Variants in RSRC1 observed in about 807,000 individuals in gnomAD.
The protein encoded by RSRC1 is arginine and serine rich coiled-coil 1, also known as serine/Arginine-related protein 53.
Under a neutral mutation model 49.1 loss-of-function variants are expected in RSRC1, and 39 were observed. The observed-to-expected ratio is 0.79, with a 90% CI of 0.61 to 1.04. The LOEUF is 1.04. Among genes scored for constraint, RSRC1 ranks in the 50% least tolerant of loss-of-function variants. The pLI, the probability that RSRC1 is intolerant of heterozygous loss-of-function variation, is 0.00. For synonymous variants in RSRC1, 143 were observed against 130.8 expected (o/e 1.09, Z -0.63); for missense variants, 388 against 402.4 (o/e 0.96, Z 0.31).
At chr3:158,451,630 G>T (rs1737040559) in intron 6 of RSRC1, among the ~76,000 whole-genome samples, 1 of 151,868 alleles carries the variant, frequency 6.6e-6, no homozygotes, top group Non-Finnish European at 1.5e-5. Context: ...TTCTATCTTT[G>T]TTTATTATCT....
chr3:158,410,568 G>C (rs2362969), intron 6 of RSRC1, among the ~76,000 whole-genome samples: 88,902 of 151,900 alleles, frequency 0.59, 26,525 homozygotes, highest in South Asian at 0.71. Flanking sequence ...GACCGTATCT[G>C]TTTTGTATAC....
At chr3:158,522,511 C>T (rs1576606029) in intron 7 of RSRC1, among the ~76,000 whole-genome samples, 1 of 152,050 alleles carries the variant, frequency 6.6e-6, no homozygotes, top group African/African-American at 2.4e-5. Context: ...GCATTTAGGG[C>T]TTGTCTTGAT....
intron 6 of RSRC1, among the ~76,000 whole-genome samples, chr3:158,444,024 T>C (rs1451213386): frequency 2.0e-5 from 3 of 152,110 alleles, no homozygotes; most frequent in Non-Finnish European, 4.4e-5. Flanking sequence ...GTTTGTGGCA[T>C]CCCAAAACAC....
chr3:158,326,768 C>T (rs1326840213), intron 5 of RSRC1, among the ~76,000 whole-genome samples: 1 of 152,202 alleles, frequency 6.6e-6, no homozygotes, highest in Non-Finnish European at 1.5e-5. Context: ...AGGATTCCCT[C>T]TTTTTCTATT....
intron 5 of RSRC1, among the ~76,000 whole-genome samples, chr3:158,324,528 CA>C (rs1409389422): frequency 6.6e-6 from 1 of 152,082 alleles, no homozygotes; most frequent in East Asian, 1.9e-4. Flanking sequence ...TGATGGTCTC[CA>C]GCTTCATCCA....
At chr3:158,301,991 GTT>G (rs35843326) in intron 5 of RSRC1, among the ~76,000 whole-genome samples, 4,724 of 142,778 alleles carry the variant, frequency 0.033, 244 homozygotes, top group African/African-American at 0.11. Context: ...GGGTTTTTTT[GTT>G]TTTTTTTTTT....
chr3:158,144,788 C>T (rs141984496), intron 3 of RSRC1, among the ~76,000 whole-genome samples: 231 of 152,276 alleles, frequency 1.5e-3, no homozygotes, highest in African/African-American at 5.2e-3. Flanking sequence ...ACATCCTCTC[C>T]GGCACCTGTT....
At chr3:158,231,902 A>G (rs992623745) in intron 4 of RSRC1, among the ~76,000 whole-genome samples, 1 of 152,210 alleles carries the variant, frequency 6.6e-6, no homozygotes, top group African/African-American at 2.4e-5. Context: ...CAAGCACAAT[A>G]TAAAATTCTG....
At chr3:158,362,605 T>A (rs115164965) in intron 6 of RSRC1, among the ~76,000 whole-genome samples, 54 of 152,318 alleles carry the variant, frequency 3.5e-4, no homozygotes, top group Non-Finnish European at 7.1e-4. Flanking sequence ...CCTGACTTTT[T>A]ACACTTAAAC....
intron 3 of RSRC1, among the ~76,000 whole-genome samples, chr3:158,198,318 G>A (rs560499162): frequency 3.3e-5 from 5 of 152,160 alleles, no homozygotes; most frequent in South Asian, 4.2e-4. Flanking sequence ...TGCAACCCCT[G>A]CCTTTTTTTG....
At chr3:158,143,134 A>C (rs944159580) in intron 3 of RSRC1, among the ~76,000 whole-genome samples, 1 of 152,176 alleles carries the variant, frequency 6.6e-6, no homozygotes, top group Admixed American at 6.5e-5. Flanking sequence ...CGTCAGGTAT[A>C]TGCTAGACCA....
rs541886307 is a variant in RSRC1 at position 158,424,463 on chromosome 3, C to G, written c.584-36472C>G. Among the ~76,000 whole-genome samples, 14 of 151,020 alleles carry G rather than the reference C, an allele frequency of 9.3e-5. No homozygotes were observed. In the South Asian group the frequency reaches 3.0e-3, roughly 32 times the overall value. ...CATGGTGGATAAGCTTTTTGATGTG[C>G]TGCTGGATTCGGTTTGCCAGTATTT... is the stretch of plus-strand genomic sequence containing the variant. On this transcript the variant is annotated intron_variant, in intron 6 of 9. Transcript: ENST00000611884.
intron 3 of RSRC1, among the ~76,000 whole-genome samples, chr3:158,173,984 A>G (rs1719043497): frequency 6.6e-6 from 1 of 151,690 alleles, no homozygotes; most frequent in Non-Finnish European, 1.5e-5. Context: ...AATATGAGAG[A>G]TTTTCTCTGG....
chr3:158,422,046 C>T (rs967920474), intron 6 of RSRC1, among the ~76,000 whole-genome samples: 6 of 141,036 alleles, frequency 4.3e-5, no homozygotes, highest in Non-Finnish European at 4.6e-5. Context: ...TAAACTAAGT[C>T]GGGAGAAGTT....
At chr3:158,500,537 C>A (rs958332360) in intron 7 of RSRC1, among the ~76,000 whole-genome samples, 1 of 151,992 alleles carries the variant, frequency 6.6e-6, no homozygotes, top group Non-Finnish European at 1.5e-5. Flanking sequence ...TTCAATCTCA[C>A]TGCTCATTAT....
intron 7 of RSRC1, among the ~76,000 whole-genome samples, chr3:158,523,856 A>G (rs1010330509): frequency 5.3e-5 from 8 of 152,004 alleles, no homozygotes; most frequent in African/African-American, 9.7e-5. Flanking sequence ...GCTTTGGCCA[A>G]TTTTCTTAAA....
At chr3:158,525,593 A>C (rs942193454) in intron 7 of RSRC1, among the ~76,000 whole-genome samples, 1 of 152,000 alleles carries the variant, frequency 6.6e-6, no homozygotes, top group African/African-American at 2.4e-5. Flanking sequence ...TGTTCACACA[A>C]AGAGTTGTAC....
chr3:158,336,014 T>C (rs4309677), intron 5 of RSRC1, among the ~76,000 whole-genome samples: 79,438 of 152,038 alleles, frequency 0.52, 21,144 homozygotes, highest in African/African-American at 0.61. Flanking sequence ...TTAGAAGCAG[T>C]AATTCCAGAG....
At chr3:158,388,060 A>G (rs891277732) in intron 6 of RSRC1, among the ~76,000 whole-genome samples, 2 of 152,170 alleles carry the variant, frequency 1.3e-5, no homozygotes, top group African/African-American at 4.8e-5. Flanking sequence ...ATTAATAACT[A>G]GATTAGAAAA....
Sources: allele counts gnomAD v4.1 joint callset (sites outside exome capture counted in the v4.1 genomes callset), GRCh38; gene constraint gnomAD v4.1.1; transcripts MANE v1.5; gene names NCBI Gene and HGNC (gene_info 2026-07-23, HGNC 2026-07-21).